The following BTBD10 variants were observed in gnomAD, a reference collection of about 807,000 sequenced individuals.
BTBD10 encodes BTB domain containing 10.
In BTBD10, 21 loss-of-function variants were observed where a neutral mutation model predicts 53.2. That is an observed-to-expected ratio of 0.39 (90% CI 0.28 to 0.57). The LOEUF is 0.57. Among genes scored for constraint, BTBD10 ranks in the 20% least tolerant of loss-of-function variants. The probability of loss-of-function intolerance (pLI) is 0.53; values close to 1 mark genes in which losing one functional copy is unlikely to be tolerated. For missense variants in BTBD10, 360 were observed against 594.7 expected, an observed-to-expected ratio of 0.61 and a Z score of 4.10; for synonymous variants, 149 against 192.7, an observed-to-expected ratio of 0.77 and a Z score of 1.88.
At chr11:13,430,335 C>T (rs1950423849) in intron 2 of BTBD10, among the ~76,000 whole-genome samples, 1 of 152,134 alleles carries the variant, frequency 6.6e-6, no homozygotes, top group African/African-American at 2.4e-5. Flanking sequence ...CATCATTACA[C>T]ATTAGAGTGG....
chr11:13,434,141 AAT>A (rs1950504779), intron 2 of BTBD10, among the ~76,000 whole-genome samples: 1 of 152,168 alleles, frequency 6.6e-6, no homozygotes, highest in Non-Finnish European at 1.5e-5. Flanking sequence ...ATAGCCTAAA[AAT>A]AGTTTTAATA....
intron 1 of BTBD10, among the ~76,000 whole-genome samples, chr11:13,454,923 A>T (rs1439742345): frequency 6.6e-6 from 1 of 151,938 alleles, no homozygotes; most frequent in African/African-American, 2.4e-5. Context: ...TTATTTATGT[A>T]TTTAGAGACG....
chr11:13,453,663 T>C (rs1227701401), intron 1 of BTBD10, among the ~76,000 whole-genome samples: 1 of 152,206 alleles, frequency 6.6e-6, no homozygotes, highest in Non-Finnish European at 1.5e-5. Context: ...CATTAGACTA[T>C]AAGATCCTTG....
intron 8 of BTBD10, among the ~76,000 whole-genome samples, chr11:13,394,195 C>G (rs531570314): frequency 3.9e-5 from 6 of 152,190 alleles, no homozygotes; most frequent in Non-Finnish European, 8.8e-5. Context: ...TTGTCACCCA[C>G]AGATATGGTT....
At chr11:13,407,540 G>A (rs1949858417) in intron 6 of BTBD10, among the ~76,000 whole-genome samples, 4 of 152,178 alleles carry the variant, frequency 2.6e-5, no homozygotes, top group Admixed American at 2.6e-4. Flanking sequence ...TATACTAAAT[G>A]AATAAATCCT....
At chr11:13,452,541 T>C (rs1950882811) in intron 1 of BTBD10, among the ~76,000 whole-genome samples, 1 of 152,212 alleles carries the variant, frequency 6.6e-6, no homozygotes, top group Non-Finnish European at 1.5e-5. Context: ...AAACCACTTT[T>C]TGATCAAAAA....
intron 2 of BTBD10, among the ~76,000 whole-genome samples, chr11:13,438,610 A>C (rs1950587756): frequency 6.6e-6 from 1 of 152,014 alleles, no homozygotes; most frequent in South Asian, 2.1e-4. Flanking sequence ...ACAGCACTAC[A>C]GTAATGCCTT....
Position 13,441,890 on chromosome 11 carries a change from G to A in BTBD10, c.101+3134C>T, listed in dbSNP as rs115209817. 1.3e-5 allele frequency among the ~76,000 whole-genome samples: 2 copies of A among 152,166 alleles called. 1 individual carries two copies. Among genetic ancestry groups the A allele is most frequent in the Non-Finnish European group, 2.9e-5 (2 of 68,016 alleles). ...CTCCCTGATCCAGAGATGGCCATAT[G>A]ACATGATTCTAGCCAATGACTGGTT... On this transcript the variant is annotated intron_variant, in intron 2 of 8. Coordinates refer to ENST00000278174, the MANE Select transcript of BTBD10 (RefSeq NM_032320.7).
intron 8 of BTBD10, among the ~76,000 whole-genome samples, chr11:13,394,703 A>T (rs1488038641): frequency 1.2e-5 from 1 of 85,352 alleles, no homozygotes; most frequent in South Asian, 4.7e-4. Context: ...GCCCTCCCCC[A>T]ACCCCACAAC....
At chr11:13,407,404 T>G (rs1480895860) in intron 6 of BTBD10, among the ~76,000 whole-genome samples, 1 of 152,186 alleles carries the variant, frequency 6.6e-6, no homozygotes, top group Non-Finnish European at 1.5e-5. Flanking sequence ...ACATCCAAAA[T>G]TTAACTTACC....
intron 2 of BTBD10, among the ~76,000 whole-genome samples, chr11:13,423,823 T>C (rs200124483): frequency 1.3e-5 from 2 of 152,334 alleles, no homozygotes; most frequent in East Asian, 3.9e-4. Flanking sequence ...ACTTTGTATT[T>C]ATCCTGAAAG....
chr11:13,445,547 G>C (rs1365036000), intron 1 of BTBD10, among the ~76,000 whole-genome samples: 1 of 152,038 alleles, frequency 6.6e-6, no homozygotes, highest in East Asian at 1.9e-4. Context: ...ATTTCACTTG[G>C]AACATATTTC....
intron 8 of BTBD10, among the ~76,000 whole-genome samples, chr11:13,396,104 C>T (rs973180806): frequency 6.6e-6 from 1 of 152,098 alleles, no homozygotes; most frequent in Non-Finnish European, 1.5e-5. Flanking sequence ...ATGGGGATGG[C>T]ATTGAATCTG....
chr11:13,411,277 A>G (rs895864957), intron 6 of BTBD10, among the ~76,000 whole-genome samples: 7 of 152,226 alleles, frequency 4.6e-5, no homozygotes, highest in Admixed American at 2.6e-4. Context: ...AGAGAGAGAG[A>G]ACATGCAAGC....
intron 2 of BTBD10, among the ~76,000 whole-genome samples, chr11:13,424,845 C>G (rs1242780900): frequency 6.6e-6 from 1 of 152,036 alleles, no homozygotes; most frequent in East Asian, 1.9e-4. Context: ...GAGATATGCC[C>G]AACAATTGTC....
chr11:13,425,726 C>A (rs892124348), intron 2 of BTBD10, among the ~76,000 whole-genome samples: 7 of 152,080 alleles, frequency 4.6e-5, no homozygotes, highest in Non-Finnish European at 1.0e-4. Flanking sequence ...GAAGAGAGAA[C>A]TTTGAATGTT....
At chr11:13,413,830 A>C (rs768921033) in intron 5 of BTBD10, among the ~76,000 whole-genome samples, 180 bp from the exon 6 acceptor site, 1 of 152,218 alleles carries the variant, frequency 6.6e-6, no homozygotes, top group African/African-American at 2.4e-5. Flanking sequence ...CATTTTACCT[A>C]TAAGGAAAAT....
intron 2 of BTBD10, among the ~76,000 whole-genome samples, chr11:13,425,498 C>T (rs536555813): frequency 3.3e-5 from 5 of 151,892 alleles, no homozygotes; most frequent in African/African-American, 7.2e-5. Context: ...TGAAATAAAA[C>T]GTGAACTGAC....
chr11:13,413,184 A>G (rs564194127), intron 6 of BTBD10, among the ~76,000 whole-genome samples: 12 of 152,314 alleles, frequency 7.9e-5, no homozygotes, highest in Non-Finnish European at 1.0e-4. Flanking sequence ...TTTTTGGATG[A>G]TGTAATCAAA....
Sources: gnomAD v4.1 joint callset for allele counts (sites outside exome capture counted in the v4.1 genomes callset) on GRCh38, gnomAD v4.1.1 for gene constraint, MANE v1.5 for transcripts, NCBI Gene and HGNC (gene_info 2026-07-23, HGNC 2026-07-21) for gene names.